Variants in USP2 observed in about 807,000 individuals in gnomAD.
The protein encoded by USP2 is ubiquitin carboxyl-terminal hydrolase 2.
USP2 carries 33 observed loss-of-function variants against 72.0 expected under a neutral mutation model. The ratio of observed to expected loss-of-function variants is 0.46; its 90% confidence interval spans 0.35 to 0.61. The LOEUF is 0.61. Ranked by LOEUF, USP2 falls within the 20% of genes least tolerant of loss-of-function variation. The pLI, the probability that USP2 is intolerant of heterozygous loss-of-function variation, is 0.01. For missense variants in USP2, 691 were observed against 797.8 expected (o/e 0.87, Z 1.61); for synonymous variants, 296 against 312.5 (o/e 0.95, Z 0.56).
chr11:119,374,314 T>C (rs1950973071), intron 1 of USP2, among the ~76,000 whole-genome samples: 1 of 152,204 alleles, frequency 6.6e-6, no homozygotes, highest in African/African-American at 2.4e-5. Flanking sequence ...AAATTGGTCC[T>C]GGCGATGCTT....
chr11:119,373,087 G>A lies in USP2; in HGVS notation c.394C>T (p.Gln132Ter). The change falls in exon 2 of 13, where the codon CAG (glutamine) becomes TAG (stop). Residue 132 changes from glutamine to a stop codon, truncating the protein, a stop_gained. Transcript: ENST00000260187. LOFTEE classifies it high-confidence loss of function. ...LSYLPINAYD[Q>*]GVTLTQKLDS... ...AGCTTCTGGGTTAGGGTCACCCCCT[G>A]GTCATAGGCATTGATGGGCAGGTAG... 6.2e-7 allele frequency: 1 copy of A among 1,614,100 alleles called. No homozygotes were observed. The highest frequency in any genetic ancestry group is 8.5e-7 in the Non-Finnish European group (1 of 1,180,020).
intron 2 of USP2, among the ~76,000 whole-genome samples, chr11:119,368,369 G>A (rs1648607201): frequency 6.6e-6 from 1 of 152,216 alleles, no homozygotes; most frequent in East Asian, 1.9e-4. Context: ...CTGCGTGAAC[G>A]GAGCGAGAAC....
intron 2 of USP2, among the ~76,000 whole-genome samples, chr11:119,371,846 C>A (rs1652024): frequency 0.9 from 136,594 of 152,168 alleles, 61,395 homozygotes; most frequent in East Asian, 0.95. Flanking sequence ...CCATTCATCC[C>A]TGCAATCAGC....
intron 1 of USP2, among the ~76,000 whole-genome samples, chr11:119,376,060 G>A (rs1253892213): frequency 6.6e-5 from 10 of 152,232 alleles, no homozygotes; most frequent in African/African-American, 2.4e-4. Context: ...GCTGCCTCTC[G>A]GCTCTGACTT....
At chr11:119,377,940 A>G (rs529439966) in intron 1 of USP2, among the ~76,000 whole-genome samples, 30 of 152,058 alleles carry the variant, frequency 2.0e-4, no homozygotes, top group Non-Finnish European at 3.2e-4. Flanking sequence ...TTCTGGGGTG[A>G]AAGCCTGCTT....
intron 1 of USP2, among the ~76,000 whole-genome samples, chr11:119,378,829 T>TC (rs1195476799): frequency 2.6e-5 from 4 of 152,130 alleles, no homozygotes; most frequent in African/African-American, 9.7e-5. Flanking sequence ...TCTCCTTCCT[T>TC]CTCCTCTAGG....
chr11:119,365,471 C>G lies in USP2; in HGVS notation c.775-5237G>C, dbSNP rs1278983299. ...GAGTGGGCATGTGAGGAGTGGTGAT[C>G]TCTACAGTCACTGTCCTCACCCAGA... On this transcript the variant is annotated intron_variant, in intron 2 of 12. Transcript: ENST00000260187. 2.0e-5 allele frequency among the ~76,000 whole-genome samples: 3 copies of G among 152,172 alleles called. No individual in the cohort carries two copies. In the East Asian group the frequency reaches 5.8e-4, roughly 29 times the overall value.
Position 119,381,584 on chromosome 11 carries a change from C to G in USP2, c.-153G>C, listed in dbSNP as rs1400056681. 2.0e-6 allele frequency: 3 copies of G among 1,529,174 alleles called. No individual in the cohort carries two copies. In the African/African-American group the frequency reaches 4.1e-5, roughly 21 times the overall value. The allele number at this position is 1,529,174 out of a possible 1,614,324, so 94.7% of individuals were successfully genotyped here. Reference sequence around the variant, plus strand: ...TGAGCACCAGCTGACGAAGAGGGCTCCCCGGCCTCGGCTCCTGCCTGACTC... The same window carrying G: ...TGAGCACCAGCTGACGAAGAGGGCTGCCCGGCCTCGGCTCCTGCCTGACTC... On this transcript the variant is annotated 5_prime_UTR_variant, in exon 1 of 13. Coordinates refer to ENST00000260187, the MANE Select transcript of USP2 (RefSeq NM_004205.5).
chr11:119,358,898 T>A (rs1950717378), intron 6 of USP2, 61 bp from the exon 7 acceptor site: 1 of 1,596,240 alleles, frequency 6.3e-7, no homozygotes, highest in African/African-American at 1.3e-5. Flanking sequence ...TAAGGGTCTG[T>A]CAATTTTGAT....
intron 1 of USP2, among the ~76,000 whole-genome samples, chr11:119,373,796 C>T (rs1045103577): frequency 1.1e-4 from 17 of 152,154 alleles, no homozygotes; most frequent in African/African-American, 3.4e-4. Flanking sequence ...GACTCAAACA[C>T]GCAAGCAGGG....
chr11:119,378,300 T>C (rs1591337873), intron 1 of USP2, among the ~76,000 whole-genome samples: 2 of 130,570 alleles, frequency 1.5e-5, no homozygotes, highest in African/African-American at 6.0e-5. Flanking sequence ...CTGGCAGGTG[T>C]AGAGGACATG....
intron 1 of USP2, among the ~76,000 whole-genome samples, chr11:119,378,777 C>T (rs994601113): frequency 2.0e-5 from 3 of 152,136 alleles, no homozygotes; most frequent in South Asian, 4.1e-4. Context: ...CACCTCTGCC[C>T]AGGTACTCTC....
chr11:119,373,716 G>T (rs1056420894), intron 1 of USP2, among the ~76,000 whole-genome samples, 195 bp from the exon 2 acceptor site: 1 of 152,156 alleles, frequency 6.6e-6, no homozygotes, highest in Non-Finnish European at 1.5e-5. Flanking sequence ...TTCACACCTC[G>T]GTGAGAGTGC....
rs373394831 is a variant in USP2, at chr11:119,357,469, T to G, written c.1609+14A>C. 213 of 1,614,034 alleles carry G rather than the reference T, an allele frequency of 1.3e-4. 4 individuals are homozygous for G. The Middle Eastern group carries it at 2.1e-3, about 16-fold the overall frequency. ...TGCGTCTTCATTCTGCCCTGCCTAC[T>G]CAAAGATACTCACTGGTGTTTTCTG... On this transcript the variant is annotated intron_variant, in intron 11 of 12. Transcript: ENST00000260187.
intron 2 of USP2, chr11:119,363,800 C>CG: frequency 7.4e-7 from 1 of 1,342,810 alleles, no homozygotes; most frequent in Non-Finnish European, 9.7e-7. Flanking sequence ...AGGGAGAAGG[C>CG]GGGACCCCAG....
Position 119,356,842 on chromosome 11 carries a change from C to T in USP2, c.1811G>A (p.Arg604Gln), listed in dbSNP as rs777131363. ...LFYELASPPS[R>Q]M ...GGGACGTGGCTCCTGGCGCTACATT[C>T]GGGAGGGCGGGCTGGCCAGTTCGTA... Residue 604 changes from arginine to glutamine, a missense_variant, in exon 13 of 13, where the codon CGA (arginine) becomes CAA (glutamine). Coordinates refer to ENST00000260187, the MANE Select transcript of USP2 (RefSeq NM_004205.5). 1 of 1,562,704 alleles carries T rather than the reference C, an allele frequency of 6.4e-7. No individual in the cohort carries two copies. The highest frequency in any genetic ancestry group is 8.7e-7 in the Non-Finnish European group (1 of 1,153,662).
chr11:119,373,045 G>C lies in USP2; in HGVS notation c.436C>G (p.Leu146Val). ...CGGAGGCTGGAGAAATCCCGGGCCA[G>C]GTCTGATTGGCTGTCCAGCTTCTGG... is the stretch of plus-strand genomic sequence containing the variant. ...LTQKLDSQSD[L>V]ARDFSSLRTS... Residue 146 changes from leucine to valine, a missense_variant, in exon 2 of 13, where the codon CTG (leucine) becomes GTG (valine). By Grantham distance (32) the Leu-to-Val change is conservative. Transcript: ENST00000260187. 6.2e-7 allele frequency: 1 copy of C among 1,613,984 alleles called. No individual in the cohort carries two copies. Among genetic ancestry groups the C allele is most frequent in the Non-Finnish European group, 8.5e-7 (1 of 1,180,042 alleles).
At chr11:119,372,576 T>A (rs994884170) in intron 2 of USP2, 131 bp downstream of exon 2, 3 of 973,166 alleles carry the variant, frequency 3.1e-6, no homozygotes, top group Non-Finnish European at 4.4e-6. Flanking sequence ...CCAGGATGAC[T>A]TCTCTTGTTT....
At chr11:119,357,373 CCTT>C (rs1950684309) in intron 11 of USP2, 66 bp from the exon 12 acceptor site, 5 of 1,601,778 alleles carry the variant, frequency 3.1e-6, no homozygotes, top group African/African-American at 2.7e-5. Flanking sequence ...TCCAACCTCT[CCTT>C]CTGGGTCTCT....
Sources: allele counts gnomAD v4.1 joint callset (sites outside exome capture counted in the v4.1 genomes callset), GRCh38; gene constraint gnomAD v4.1.1; transcripts MANE v1.5; gene names NCBI Gene and HGNC (gene_info 2026-07-23, HGNC 2026-07-21).